The following SLC22A9 variants were observed in gnomAD, a reference collection of about 807,000 sequenced individuals.
The protein encoded by SLC22A9 is organic anion transporter 7.
In SLC22A9, 64 loss-of-function variants were observed where a neutral mutation model predicts 50.1. The ratio of observed to expected loss-of-function variants is 1.28; its 90% CI spans 1.04 to 1.57. The LOEUF is 1.57. Ranked by LOEUF, SLC22A9 falls within the 40% of genes most tolerant of loss-of-function variation. SLC22A9 has a pLI of 0.00. For missense variants in SLC22A9, 757 were observed against 676.1 expected (o/e 1.12, Z -1.33); for synonymous variants, 261 against 242.5 (o/e 1.08, Z -0.71).
At chr11:63,374,518 T>G (rs1381858313) in intron 4 of SLC22A9, among the ~76,000 whole-genome samples, 1 of 152,166 alleles carries the variant, frequency 6.6e-6, no homozygotes. Flanking sequence ...GAAATTCAAA[T>G]GCATCCATGC....
In SLC22A9 at chr11:63,409,981, C is replaced by T. The variant is rs924988527; in HGVS notation, c.*119C>T. 13 of 1,117,530 alleles carry T rather than the reference C, an allele frequency of 1.2e-5. 1 individual carries two copies. The highest frequency in any genetic ancestry group is 9.5e-5 in the South Asian group (7 of 73,350). 69.2% of individuals were successfully genotyped at this position (1,117,530 alleles called of 1,614,324 possible). A position where few individuals can be genotyped will look rare whatever the true frequency, so the allele number is the denominator to read the frequency against. On this transcript the variant is annotated 3_prime_UTR_variant, in exon 10 of 10. Coordinates refer to ENST00000279178, the MANE Select transcript of SLC22A9 (RefSeq NM_080866.3). The stretch of plus-strand genomic sequence containing the variant: ...CAAGGCTGGGTGCGGTGGCTCACGC[C>T]TGTAATCCCAGCACCTTGGGAGGCT...
intron 6 of SLC22A9, among the ~76,000 whole-genome samples, chr11:63,406,083 G>A (rs577293203): frequency 9.9e-5 from 15 of 152,276 alleles, no homozygotes; most frequent in Admixed American, 7.2e-4. Context: ...GAAGGTGGCA[G>A]CATTTTCAAA....
chr11:63,382,213 TCTCTGTGTGAAATG>T lies in SLC22A9; in HGVS notation c.1013_1026del (p.Leu338ProfsTer7), dbSNP rs1344184578. 6.2e-7 allele frequency: 1 copy of T among 1,609,220 alleles called. No homozygotes were observed. Among genetic ancestry groups the T allele is most frequent in the African/African-American group, 1.3e-5 (1 of 74,526 alleles). On this transcript the variant is annotated frameshift_variant, in exon 6 of 10. Transcript: ENST00000279178. LOFTEE classifies it high-confidence loss of function. Reference sequence around the variant, plus strand: ...GGAGGCAGCACAAAAAAAAAAACCTTCTCTGTGTGAAATGCTCCACATGCCCAACATATGTAAAA... The same window carrying T: ...GGAGGCAGCACAAAAAAAAAAACCTTCTCCACATGCCCAACATATGTAAAA...
At chr11:63,380,410 A>T (rs1274112650) in intron 5 of SLC22A9, among the ~76,000 whole-genome samples, 3 of 152,322 alleles carry the variant, frequency 2.0e-5, no homozygotes, top group Non-Finnish European at 2.9e-5. Flanking sequence ...AGCATTTTTC[A>T]TAATAACAAA....
chr11:63,406,641 T>C lies in SLC22A9; in HGVS notation c.1218T>C (p.Arg406=). The change falls in exon 7 of 10, where the codon CGT becomes CGC. Residue 406 remains arginine, a synonymous_variant. Coordinates refer to ENST00000279178, the MANE Select transcript of SLC22A9 (RefSeq NM_080866.3). ...CTTGGGCACTGAAATACATGAACCG[T>C]CGAGCAAGCCAGATGCTTCTCATGT... ...VAPWALKYMN[R]RASQMLLMFL... is the part of the protein sequence containing the mutation. The C allele has an allele frequency of 6.2e-7, 1 of 1,613,810 alleles. No individual in the cohort carries two copies. The highest frequency in any genetic ancestry group is 1.1e-5 in the South Asian group (1 of 91,084).
rs1456279404 is a variant in SLC22A9 at position 63,375,780 on chromosome 11, G to A, written c.954+12G>A. The A allele has an allele frequency of 2.5e-6, 4 of 1,610,350 alleles. No homozygotes were observed. Among genetic ancestry groups the A allele is most frequent in the African/African-American group, 1.3e-5 (1 of 74,748 alleles). ...CCCTAACCCTGGAGGTGAGCTGGATGGGAGCTAGATATGGGATGTAGGGAA... is the reference window on the plus strand; with the variant it reads ...CCCTAACCCTGGAGGTGAGCTGGATAGGAGCTAGATATGGGATGTAGGGAA... On this transcript the variant is annotated intron_variant, in intron 5 of 9. Transcript: ENST00000279178.
At chr11:63,396,473 G>A (rs745976748) in intron 6 of SLC22A9, among the ~76,000 whole-genome samples, 1 of 152,158 alleles carries the variant, frequency 6.6e-6, no homozygotes, top group Non-Finnish European at 1.5e-5. Flanking sequence ...TTCCCCAGTG[G>A]GGGTGCGTGT....
At position 63,406,691 on chromosome 11, in the gene SLC22A9, C is replaced by G; in HGVS notation, c.1268C>G (p.Ala423Gly). ...LMFLLAICLLAIIFVPQEMQT... is the reference protein window; with the variant it reads ...LMFLLAICLLGIIFVPQEMQT... ...TTCCTACTGGCAATCTGCCTTCTGG[C>G]CATCATATTTGTGCCACAAGGTGAG... is the stretch of plus-strand genomic sequence containing the variant. The change falls in exon 7 of 10, where the codon GCC (alanine) becomes GGC (glycine). Residue 423 changes from alanine (A) to glycine (G), a missense_variant. Ala to Gly is a moderately conservative substitution (Grantham distance 60, BLOSUM62 0). Transcript: ENST00000279178. 1 of 1,613,498 alleles carries G rather than the reference C, an allele frequency of 6.2e-7. No homozygotes were observed.
rs141496965 is a variant in SLC22A9 at position 63,376,226 on chromosome 11, G to A, written c.954+458G>A. On this transcript the variant is annotated intron_variant, in intron 5 of 9. Coordinates refer to ENST00000279178, the MANE Select transcript of SLC22A9 (RefSeq NM_080866.3). ...CTTCCATTTATGATACATTTAGTGA[G>A]GCACTACCTATGCCAGATTCCATTC... is the stretch of plus-strand genomic sequence containing the variant. Among the ~76,000 whole-genome samples, 1,295 of 152,088 alleles carry A rather than the reference G, an allele frequency of 8.5e-3. 16 individuals are homozygous for A. The highest frequency in any genetic ancestry group is 0.03 in the African/African-American group (1,250 of 41,514).
At chr11:63,405,994 T>C (rs1005840107) in intron 6 of SLC22A9, among the ~76,000 whole-genome samples, 1 of 152,212 alleles carries the variant, frequency 6.6e-6, no homozygotes, top group Non-Finnish European at 1.5e-5. Context: ...TTCAGTTCTC[T>C]TTGTCACTTA....
intron 1 of SLC22A9, among the ~76,000 whole-genome samples, chr11:63,370,892 T>C (rs1184028405): frequency 6.6e-6 from 1 of 152,164 alleles, no homozygotes; most frequent in Non-Finnish European, 1.5e-5. Flanking sequence ...GATTGCACCA[T>C]GTGGTCATGT....
At chr11:63,376,121 A>C (rs138521134) in intron 5 of SLC22A9, among the ~76,000 whole-genome samples, 35 of 152,260 alleles carry the variant, frequency 2.3e-4, no homozygotes, top group African/African-American at 7.2e-4. Context: ...CTTTCAGGGT[A>C]GTAAAGCCAG....
intron 1 of SLC22A9, among the ~76,000 whole-genome samples, chr11:63,370,771 A>G (rs2014340912): frequency 6.6e-6 from 1 of 152,192 alleles, no homozygotes. Flanking sequence ...AATTAGAAAT[A>G]TCTGGGAAAT....
At chr11:63,387,412 T>G (rs2014688476) in intron 6 of SLC22A9, among the ~76,000 whole-genome samples, 1 of 152,114 alleles carries the variant, frequency 6.6e-6, no homozygotes, top group Non-Finnish European at 1.5e-5. Context: ...CTTTCCCCAA[T>G]GCACATTCTT....
intron 7 of SLC22A9, 101 bp downstream of exon 7, chr11:63,406,812 T>G (rs2015048952): frequency 2.3e-6 from 3 of 1,321,692 alleles, no homozygotes; most frequent in Admixed American, 2.5e-5. Context: ...AAGGGAGAAT[T>G]GGGTTCTTAG....
Position 63,369,995 on chromosome 11 carries a change from T to G in SLC22A9, c.-62T>G, listed in dbSNP as rs189461906. 6.7e-7 allele frequency: 1 copy of G among 1,498,192 alleles called. No homozygotes were observed. Among genetic ancestry groups the G allele is most frequent in the Admixed American group, 2.1e-5 (1 of 48,244 alleles). The allele number at this position is 1,498,192 out of a possible 1,614,324, so 92.8% of individuals were successfully genotyped here. A position where few individuals can be genotyped will look rare whatever the true frequency, so the allele number is the denominator to read the frequency against. On this transcript the variant is annotated 5_prime_UTR_variant, in exon 1 of 10. Coordinates refer to ENST00000279178, the MANE Select transcript of SLC22A9 (RefSeq NM_080866.3). ...ACTTAGGGAAAGAAAACATTTTCCC[T>G]CTTTGAACCTCTCTGGATACAGTCA... is the stretch of plus-strand genomic sequence containing the variant.
Position 63,408,864 on chromosome 11 carries a change from A to G in SLC22A9, c.1586A>G (p.Gln529Arg). Reference sequence around the variant, plus strand: ...AACAAGCCTCTGTTTGACACCATCCAGGATGAGAAAAATGAGTGAGTAAAT... The same window carrying G: ...AACAAGCCTCTGTTTGACACCATCCGGGATGAGAAAAATGAGTGAGTAAAT... ...TRNKPLFDTI[Q>R]DEKNERKDPR... Residue 529 changes from glutamine to arginine, a missense_variant, in exon 9 of 10, where the codon CAG becomes CGG. Gln to Arg is a conservative substitution (Grantham distance 43). Coordinates refer to ENST00000279178, the MANE Select transcript of SLC22A9 (RefSeq NM_080866.3). 1.2e-6 allele frequency: 2 copies of G among 1,613,924 alleles called. No homozygotes were observed. Among genetic ancestry groups the G allele is most frequent in the Non-Finnish European group, 1.7e-6 (2 of 1,179,872 alleles).
chr11:63,375,679 A>T lies in SLC22A9; in HGVS notation c.865A>T (p.Asn289Tyr). ...AGAGTCTGCTCGGTGGCTCATTATCAACAATAAACCAGAGGAAGGCTTAAA... is the reference window on the plus strand; with the variant it reads ...AGAGTCTGCTCGGTGGCTCATTATCTACAATAAACCAGAGGAAGGCTTAAA... ...LLESARWLII[N>Y]NKPEEGLKEL... is the part of the protein sequence containing the mutation. Residue 289 changes from asparagine to tyrosine, a missense_variant, in exon 5 of 10, where the codon AAC becomes TAC. Physicochemically the swap from Asn to Tyr is moderately radical, Grantham distance 143 (BLOSUM62 -2). Transcript: ENST00000279178. 6.2e-7 allele frequency: 1 copy of T among 1,612,724 alleles called. No homozygotes were observed. Among genetic ancestry groups the T allele is most frequent in the Non-Finnish European group, 8.5e-7 (1 of 1,179,096 alleles).
In SLC22A9 at chr11:63,370,267, G is replaced by A. The variant is rs1338640686; in HGVS notation, c.211G>A (p.Ala71Thr). The change falls in exon 1 of 10, where the codon GCA (alanine) becomes ACA (threonine). Residue 71 changes from alanine (A) to threonine (T), a missense_variant. By Grantham distance (58) the Ala-to-Thr change is moderately conservative. Coordinates refer to ENST00000279178, the MANE Select transcript of SLC22A9 (RefSeq NM_080866.3). ...TGACACTGGGGCCCTCAGCCAAGAT[G>A]CACTCTTGAGAATCTCCATCCCACT... ...DNDTGALSQDALLRISIPLDS... is the reference protein window; with the variant it reads ...DNDTGALSQDTLLRISIPLDS... 1 of 1,614,036 alleles carries A rather than the reference G, an allele frequency of 6.2e-7. No homozygotes were observed. Among genetic ancestry groups the A allele is most frequent in the South Asian group, 1.1e-5 (1 of 91,076 alleles).
Sources: allele counts gnomAD v4.1 joint callset (sites outside exome capture counted in the v4.1 genomes callset), GRCh38; gene constraint gnomAD v4.1.1; transcripts MANE v1.5; gene names NCBI Gene and HGNC (gene_info 2026-07-23, HGNC 2026-07-21).